The following NARF variants were observed in gnomAD, a reference collection of about 807,000 sequenced individuals.
NARF encodes the protein nuclear prelamin A recognition factor.
In NARF, 41 loss-of-function variants were observed where a neutral mutation model predicts 48.0. The ratio of observed to expected loss-of-function variants is 0.85; its 90% CI spans 0.66 to 1.11. NARF has a LOEUF of 1.11. Ranked by LOEUF, NARF falls within the 50% of genes least tolerant of loss-of-function variation. NARF has a pLI of 0.00. For synonymous variants in NARF, 215 were observed against 225.5 expected (o/e 0.95, Z 0.42); for missense variants, 613 against 590.2 (o/e 1.04, Z -0.40).
chr17:82,459,695 C>T (rs903705270), intron 1 of NARF, among the ~76,000 whole-genome samples: 2 of 152,054 alleles, frequency 1.3e-5, no homozygotes, highest in South Asian at 2.1e-4. Flanking sequence ...CATGGCGAAA[C>T]CCAGTCTCTA....
At chr17:82,485,932 G>A (rs576828714) in intron 10 of NARF, among the ~76,000 whole-genome samples, 14 of 152,342 alleles carry the variant, frequency 9.2e-5, no homozygotes, top group Non-Finnish European at 1.6e-4. Context: ...AGCCCGTGGC[G>A]GCTGGCTTAG....
intron 6 of NARF, chr17:82,480,381 T>C (rs1447546527): frequency 5.0e-6 from 2 of 401,836 alleles, no homozygotes; most frequent in East Asian, 3.6e-5. Context: ...GACTTCCTCT[T>C]ACTTGTTTTG....
chr17:82,480,660 C>T (rs1567942936), intron 6 of NARF: 1 of 429,416 alleles, frequency 2.3e-6, no homozygotes, highest in Non-Finnish European at 4.1e-6. Context: ...CAGCCAGGCT[C>T]GATGGCTCAC....
chr17:82,468,266 G>C (rs1288151056), intron 3 of NARF, among the ~76,000 whole-genome samples: 1 of 151,760 alleles, frequency 6.6e-6, no homozygotes, highest in African/African-American at 2.4e-5. Context: ...AGCTGAGATC[G>C]CGCCACTGTA....
chr17:82,469,385 G>T (rs939439161), intron 4 of NARF, among the ~76,000 whole-genome samples: 1 of 152,178 alleles, frequency 6.6e-6, no homozygotes, highest in African/African-American at 2.4e-5. Context: ...TATAATAAAA[G>T]AACTCGGATG....
Position 82,464,315 on chromosome 17 carries a change from C to G in NARF, c.137C>G (p.Ala46Gly). ...GGAGAATTCCACAAGTTGGCTGATGCCAAGATATTTTTGAGCGACTGCCTG... is the reference window on the plus strand; with the variant it reads ...GGAGAATTCCACAAGTTGGCTGATGGCAAGATATTTTTGAGCGACTGCCTG... ...EKGEFHKLAD[A>G]KIFLSDCLAC... The change falls in exon 3 of 11, where the codon GCC (alanine) becomes GGC (glycine). Residue 46 changes from alanine (A) to glycine (G), a missense_variant. Transcript: ENST00000309794. The G allele has an allele frequency of 1.2e-6, 2 of 1,613,628 alleles. No individual in the cohort carries two copies.
At chr17:82,487,794 CT>C in intron 10 of NARF, 121 bp from the exon 11 acceptor site, 5 of 503,422 alleles carry the variant, frequency 9.9e-6, no homozygotes, top group East Asian at 6.1e-5. Context: ...CGCCCAATCT[CT>C]ACAAAAAATT....
chr17:82,483,799 A>C lies in NARF; in HGVS notation c.833+20A>C, dbSNP rs762053607. The C allele has an allele frequency of 6.2e-7, 1 of 1,611,926 alleles. No individual in the cohort carries two copies. Among genetic ancestry groups the C allele is most frequent in the Non-Finnish European group, 8.5e-7 (1 of 1,179,048 alleles). On this transcript the variant is annotated intron_variant, in intron 8 of 10. Transcript: ENST00000309794. ...CACTCTGTAAGTGGCTTCTCTGGGGAGAGTCCTCTGGGGGGCAGGACCTCT... is the reference window on the plus strand; with the variant it reads ...CACTCTGTAAGTGGCTTCTCTGGGGCGAGTCCTCTGGGGGGCAGGACCTCT...
intron 4 of NARF, among the ~76,000 whole-genome samples, chr17:82,470,193 G>A (rs555818203): frequency 1.1e-4 from 16 of 152,296 alleles, no homozygotes; most frequent in African/African-American, 3.8e-4. Flanking sequence ...TGCTCCCTGT[G>A]CCCTAGGCGC....
chr17:82,478,778 C>A, intron 5 of NARF, 22 bp from the exon 6 acceptor site: 3 of 1,604,186 alleles, frequency 1.9e-6, no homozygotes, highest in Non-Finnish European at 1.7e-6. Flanking sequence ...AGGAGCTGAC[C>A]GTGGATCCCT....
rs921326393 is a variant in NARF at position 82,488,398 on chromosome 17, C to T, written c.*241C>T. On this transcript the variant is annotated 3_prime_UTR_variant, in exon 11 of 11. Transcript: ENST00000309794. ...TTTTTTTCTTTTTTTTTTTTTGAGA[C>T]GGAGTCTCACTCTGTCACCCAGGCT... The T allele has an allele frequency of 1.3e-5, 6 of 473,556 alleles. No homozygotes were observed. Among genetic ancestry groups the T allele is most frequent in the Admixed American group, 4.2e-5 (1 of 24,082 alleles). The allele number at this position is 473,556 out of a possible 1,614,324, so 29.3% of individuals were successfully genotyped here. A position where few individuals can be genotyped will look rare whatever the true frequency, so the allele number is the denominator to read the frequency against.
intron 4 of NARF, among the ~76,000 whole-genome samples, chr17:82,470,420 G>A (rs932686870): frequency 4.6e-5 from 7 of 152,200 alleles, no homozygotes; most frequent in Non-Finnish European, 1.0e-4. Context: ...TGATGTAACG[G>A]AATGTTATAT....
rs35163925 is a variant in NARF, at chr17:82,480,930, CAAAAAAAA to C, written c.640-140_640-133del. 1.1e-4 allele frequency: 68 copies of C among 628,738 alleles called. No individual in the cohort carries two copies. The East Asian group carries it at 1.3e-3, about 12-fold the overall frequency. The allele number at this position is 628,738 out of a possible 1,614,324, so 38.9% of individuals were successfully genotyped here. Reference sequence around the variant, plus strand: ...CTGGTGACAGAGCAAGACTCCATTTCAAAAAAAAAAAAAAAAAAAGAGTGCAGCATGCA... The same window carrying C: ...CTGGTGACAGAGCAAGACTCCATTTCAAAAAAAAAAAGAGTGCAGCATGCA... On this transcript the variant is annotated intron_variant, in intron 6 of 10. Coordinates refer to ENST00000309794, the MANE Select transcript of NARF (RefSeq NM_012336.4).
rs1043706276 is a variant in NARF at position 82,480,853 on chromosome 17, A to AC, written c.640-226dup. Reference sequence around the variant, plus strand: ...AGGCTGAGGCAGGAGAATCGCTTGAACCCGGGAGGCAGAGTTTGCAGTGAG... The same window carrying AC: ...AGGCTGAGGCAGGAGAATCGCTTGAACCCCGGGAGGCAGAGTTTGCAGTGAG... On this transcript the variant is annotated intron_variant, in intron 6 of 10. Transcript: ENST00000309794. 5.5e-6 allele frequency: 3 copies of AC among 544,888 alleles called. No homozygotes were observed. The African/African-American group carries it at 6.0e-5, about 11-fold the overall frequency. 33.8% of individuals were successfully genotyped at this position (544,888 alleles called of 1,614,324 possible). A position where few individuals can be genotyped will look rare whatever the true frequency, so the allele number is the denominator to read the frequency against.
At chr17:82,459,818 G>C (rs1296784453) in intron 1 of NARF, among the ~76,000 whole-genome samples, 174 bp from the exon 2 acceptor site, 1 of 152,156 alleles carries the variant, frequency 6.6e-6, no homozygotes, top group Non-Finnish European at 1.5e-5. Flanking sequence ...GCAGTGAGCC[G>C]AGATTGCGCC....
chr17:82,458,392 GC>G (rs1184627246), upstream of NARF: 2 of 172,462 alleles, frequency 1.2e-5, no homozygotes, highest in Admixed American at 1.3e-4. Context: ...CCCCAGCTTG[GC>G]CTCGGGACAG....
chr17:82,464,247 T>C (rs2143833142), intron 2 of NARF, 40 bp from the exon 3 acceptor site: 1 of 1,601,712 alleles, frequency 6.2e-7, no homozygotes, highest in Non-Finnish European at 8.5e-7. Flanking sequence ...CATTAAAGAG[T>C]ATTTGTTGAA....
intron 5 of NARF, among the ~76,000 whole-genome samples, chr17:82,473,405 T>A (rs980284292): frequency 2.0e-5 from 3 of 151,276 alleles, no homozygotes; most frequent in Non-Finnish European, 4.4e-5. Context: ...AGCGATTCTT[T>A]TTTTTTTGTT....
At chr17:82,483,531 T>G (rs987090277) in intron 7 of NARF, 185 bp from the exon 8 acceptor site, 1 of 572,530 alleles carries the variant, frequency 1.7e-6, no homozygotes, top group African/African-American at 1.9e-5. Context: ...GAATTCTGCT[T>G]ACGTTTTATT....
Sources: gnomAD v4.1 joint callset for allele counts (sites outside exome capture counted in the v4.1 genomes callset) on GRCh38, gnomAD v4.1.1 for gene constraint, MANE v1.5 for transcripts, NCBI Gene and HGNC (gene_info 2026-07-23, HGNC 2026-07-21) for gene names.